The following PNOC variants were observed in gnomAD, a reference collection of about 807,000 sequenced individuals.
The protein encoded by PNOC is prepronociceptin.
PNOC carries 10 observed loss-of-function variants against 15.6 expected under a neutral mutation model. That is an observed-to-expected ratio of 0.64 (90% confidence interval 0.40 to 1.09). PNOC has a LOEUF of 1.09. Among genes scored for constraint, PNOC ranks in the 50% least tolerant of loss-of-function variants. The pLI, the probability that PNOC is intolerant of heterozygous loss-of-function variation, is 0.01. For synonymous variants in PNOC, 98 were observed against 88.5 expected, an observed-to-expected ratio of 1.11 and a Z score of -0.60; for missense variants, 220 against 223.9, an observed-to-expected ratio of 0.98 and a Z score of 0.11.
At chr8:28,320,175 G>A (rs1319300606) in intron 1 of PNOC, among the ~76,000 whole-genome samples, 2 of 143,484 alleles carry the variant, frequency 1.4e-5, no homozygotes, top group Non-Finnish European at 3.0e-5. Flanking sequence ...ATCAGCCCGG[G>A]GGCCCAGCCT....
chr8:28,322,298 G>A (rs562453115), intron 1 of PNOC, among the ~76,000 whole-genome samples: 16 of 152,060 alleles, frequency 1.1e-4, no homozygotes, highest in Admixed American at 5.2e-4. Flanking sequence ...AGGCTGAGGC[G>A]GGAGAATCAT....
chr8:28,330,396 A>ATTTTATTTT lies in PNOC; in HGVS notation c.126+1117_126+1118insATTTTTTTT, dbSNP rs377288105. 3.0e-4 allele frequency among the ~76,000 whole-genome samples: 24 copies of ATTTTATTTT among 80,454 alleles called. 1 individual carries two copies. Among genetic ancestry groups the ATTTTATTTT allele is most frequent in the African/African-American group, 8.6e-4 (22 of 25,670 alleles). 52.8% of individuals were successfully genotyped at this position (80,454 alleles called of 152,430 possible). A position where few individuals can be genotyped will look rare whatever the true frequency, so the allele number is the denominator to read the frequency against. ...ATTTTATTTTATTTTATTTTATTTTATTTTTTTTTTTTTTTTGAGACGGAG... is the reference window on the plus strand; with the variant it reads ...ATTTTATTTTATTTTATTTTATTTTATTTTATTTTTTTTTTTTTTTTTTTTGAGACGGAG... On this transcript the variant is annotated intron_variant, in intron 2 of 3. Coordinates refer to ENST00000301908, the MANE Select transcript of PNOC (RefSeq NM_006228.5).
chr8:28,341,615 C>T (rs1801520159), intron 3 of PNOC, among the ~76,000 whole-genome samples: 1 of 152,174 alleles, frequency 6.6e-6, no homozygotes, highest in Non-Finnish European at 1.5e-5. Flanking sequence ...GAGCCTCTAT[C>T]CAGGCAATTG....
intron 2 of PNOC, among the ~76,000 whole-genome samples, chr8:28,335,122 C>A (rs1452862041): frequency 6.6e-6 from 1 of 152,234 alleles, no homozygotes; most frequent in Non-Finnish European, 1.5e-5. Flanking sequence ...AGGAAAGGGA[C>A]ACTCCTGTCA....
intron 2 of PNOC, among the ~76,000 whole-genome samples, chr8:28,337,843 G>A (rs1456738119): frequency 6.6e-6 from 1 of 151,300 alleles, no homozygotes; most frequent in African/African-American, 2.4e-5. Flanking sequence ...CACCCGCCTC[G>A]GCCTCCCAAA....
intron 3 of PNOC, among the ~76,000 whole-genome samples, chr8:28,341,775 C>T (rs543275538): frequency 1.3e-5 from 2 of 152,294 alleles, no homozygotes; most frequent in Non-Finnish European, 2.9e-5. Flanking sequence ...GATGACTCTC[C>T]TTTCTCCTTC....
chr8:28,321,438 G>A (rs1303716909), intron 1 of PNOC, among the ~76,000 whole-genome samples: 1 of 151,830 alleles, frequency 6.6e-6, no homozygotes, highest in East Asian at 1.9e-4. Flanking sequence ...CTTCCCACCT[G>A]CAGTAGCCCT....
chr8:28,341,844 G>A (rs1250879326), intron 3 of PNOC, among the ~76,000 whole-genome samples: 1 of 152,094 alleles, frequency 6.6e-6, no homozygotes, highest in Non-Finnish European at 1.5e-5. Flanking sequence ...TTCCAATATG[G>A]ATATTTATAA....
At chr8:28,329,434 A>G in intron 2 of PNOC, 151 bp downstream of exon 2, 1 of 801,488 alleles carries the variant, frequency 1.2e-6, no homozygotes, top group Non-Finnish European at 1.9e-6. Context: ...GAAACAGATC[A>G]GACAGGAGCT....
chr8:28,337,446 G>C (rs240573), intron 2 of PNOC, among the ~76,000 whole-genome samples: 140,452 of 152,202 alleles, frequency 0.92, 65,878 homozygotes, highest in East Asian at 1. Flanking sequence ...ATTACAGGCA[G>C]CCATCACCAC....
intron 1 of PNOC, among the ~76,000 whole-genome samples, chr8:28,326,998 AAT>A (rs1237568428): frequency 1.3e-5 from 2 of 152,228 alleles, no homozygotes; most frequent in African/African-American, 2.4e-5. Context: ...ACAGTTCCTC[AAT>A]ATCATCTGAA....
rs988147363 is a variant in PNOC, at chr8:28,334,605, T to C, written c.127-4435T>C. On this transcript the variant is annotated intron_variant, in intron 2 of 3. Transcript: ENST00000301908. Reference sequence around the variant, plus strand: ...GACTTCCCAGGCCCAAGCAATCCTCTCACCTCAGCCTCCCAAGTAGCTAGA... The same window carrying C: ...GACTTCCCAGGCCCAAGCAATCCTCCCACCTCAGCCTCCCAAGTAGCTAGA... 2.6e-5 allele frequency among the ~76,000 whole-genome samples: 4 copies of C among 152,050 alleles called. No homozygotes were observed. In the East Asian group the frequency reaches 7.7e-4, roughly 29 times the overall value.
In PNOC at chr8:28,342,956, C is replaced by T; in HGVS notation, c.*62C>T. 1.0e-6 allele frequency: 1 copy of T among 985,234 alleles called. No homozygotes were observed. Among genetic ancestry groups the T allele is most frequent in the Non-Finnish European group, 1.2e-6 (1 of 829,740 alleles). The allele number at this position is 985,234 out of a possible 1,614,324, so 61.0% of individuals were successfully genotyped here. The stretch of plus-strand genomic sequence containing the variant: ...TGTCTCCCCAGGCGTCCAGGTGATC[C>T]CCCAAACAGCATGTGCTCAGCCCCA... On this transcript the variant is annotated 3_prime_UTR_variant, in exon 4 of 4. Transcript: ENST00000301908.
intron 3 of PNOC, among the ~76,000 whole-genome samples, chr8:28,342,147 C>T (rs898669578): frequency 1.3e-5 from 2 of 152,028 alleles, no homozygotes; most frequent in African/African-American, 4.8e-5. Context: ...AAGTTTGAGA[C>T]CAGCCTGGCC....
intron 3 of PNOC, 101 bp downstream of exon 3, chr8:28,339,592 C>T: frequency 2.1e-6 from 2 of 931,730 alleles, no homozygotes; most frequent in Non-Finnish European, 3.0e-6. Context: ...TCCCCGCCCC[C>T]TCCCCACTCC....
chr8:28,338,653 A>G, intron 2 of PNOC: 1 of 1,001,874 alleles, frequency 1.0e-6, no homozygotes, highest in Non-Finnish European at 1.2e-6. Flanking sequence ...AAGAGAGAAC[A>G]AAATAAAATT....
chr8:28,338,795 T>TA lies in PNOC; in HGVS notation c.127-244dup, dbSNP rs113574786. 2.4e-3 allele frequency: 2,817 copies of TA among 1,179,558 alleles called. 55 individuals are homozygous for TA. In the African/African-American group the frequency reaches 0.039, roughly 16 times the overall value. The allele number at this position is 1,179,558 out of a possible 1,614,324, so 73.1% of individuals were successfully genotyped here. ...ACGTGCTGTGACACCAGAGGTAAGT[T>TA]ACGCTCACCTCTCTGAGCCCTGGTT... On this transcript the variant is annotated intron_variant, in intron 2 of 3. Coordinates refer to ENST00000301908, the MANE Select transcript of PNOC (RefSeq NM_006228.5).
intron 2 of PNOC, 47 bp from the exon 3 acceptor site, chr8:28,338,991 AAC>A: frequency 6.7e-7 from 1 of 1,484,902 alleles, no homozygotes; most frequent in African/African-American, 1.4e-5. Context: ...GCCCTGGATT[AAC>A]AGAGGTCCTT....
chr8:28,330,327 G>A (rs182665221), intron 2 of PNOC, among the ~76,000 whole-genome samples: 70 of 151,036 alleles, frequency 4.6e-4, no homozygotes, highest in Admixed American at 1.1e-3. Context: ...CAGAAGGACC[G>A]TGTAATTTGT....
Sources: allele counts gnomAD v4.1 joint callset (sites outside exome capture counted in the v4.1 genomes callset), GRCh38; gene constraint gnomAD v4.1.1; transcripts MANE v1.5; gene names NCBI Gene and HGNC (gene_info 2026-07-23, HGNC 2026-07-21).